Variants in MARCHF5 observed in about 807,000 individuals in gnomAD.
MARCHF5 encodes the protein E3 ubiquitin-protein ligase MARCHF5.
In MARCHF5, 5 loss-of-function variants were observed where a neutral mutation model predicts 36.5. That is an observed-to-expected ratio of 0.14 (90% CI 0.07 to 0.29). The LOEUF is 0.29. Among genes scored for constraint, MARCHF5 ranks in the 10% least tolerant of loss-of-function variants. MARCHF5 has a pLI of 1.00. For missense variants in MARCHF5, 179 were observed against 336.3 expected (o/e 0.53, Z 3.66); for synonymous variants, 103 against 109.9 (o/e 0.94, Z 0.39).
chr10:92,302,095 C>G (rs894228185), intron 1 of MARCHF5, among the ~76,000 whole-genome samples: 1 of 152,074 alleles, frequency 6.6e-6, no homozygotes, highest in Admixed American at 6.6e-5. Context: ...AAATGCTATG[C>G]AAATAGTTGT....
intron 3 of MARCHF5, among the ~76,000 whole-genome samples, chr10:92,344,021 T>C (rs544760235): frequency 1.2e-4 from 19 of 152,338 alleles, no homozygotes; most frequent in African/African-American, 4.6e-4. Context: ...TATATAGATA[T>C]ATATATTTTG....
rs1804788111 is a variant in MARCHF5 at position 92,351,557 on chromosome 10, T to C, written c.*350T>C. ...ATGCTGTTTTATTCAAATGCCTCTT[T>C]TGTACATGTTCATGTTTAGTGTTTT... On this transcript the variant is annotated 3_prime_UTR_variant, in exon 6 of 6. Coordinates refer to ENST00000358935, the MANE Select transcript of MARCHF5 (RefSeq NM_017824.5). The C allele has an allele frequency of 6.2e-6, 1 of 161,164 alleles. No homozygotes were observed. The highest frequency in any genetic ancestry group is 2.0e-4 in the South Asian group (1 of 5,078). 10.0% of individuals were successfully genotyped at this position (161,164 alleles called of 1,614,324 possible).
chr10:92,339,363 C>T (rs1193120532), intron 2 of MARCHF5, among the ~76,000 whole-genome samples: 1 of 151,244 alleles, frequency 6.6e-6, no homozygotes, highest in Non-Finnish European at 1.5e-5. Context: ...CAGTGAGACT[C>T]TGTCTCAAAA....
chr10:92,293,422 CA>C (rs1172952333), intron 1 of MARCHF5, among the ~76,000 whole-genome samples: 2 of 151,980 alleles, frequency 1.3e-5, no homozygotes, highest in Admixed American at 1.3e-4. Flanking sequence ...TTCTTATGTC[CA>C]AAAGCTGACC....
intron 1 of MARCHF5, among the ~76,000 whole-genome samples, chr10:92,303,015 A>G (rs1039906213): frequency 6.6e-6 from 1 of 152,216 alleles, no homozygotes; most frequent in African/African-American, 2.4e-5. Context: ...AGAATTTCCT[A>G]AGAATCCAAA....
chr10:92,328,821 A>ATATATATATAT (rs372130854), intron 2 of MARCHF5, among the ~76,000 whole-genome samples: 5 of 122,444 alleles, frequency 4.1e-5, no homozygotes, highest in African/African-American at 1.6e-4. Context: ...ATATATATAT[A>ATATATATATAT]TTTTTTTTTT....
chr10:92,292,267 C>T (rs1044855986), intron 1 of MARCHF5, among the ~76,000 whole-genome samples: 2 of 152,124 alleles, frequency 1.3e-5, no homozygotes, highest in African/African-American at 4.8e-5. Context: ...GCACCGCCCT[C>T]TGCTGTTGAA....
At chr10:92,337,473 G>A (rs1220341935) in intron 2 of MARCHF5, among the ~76,000 whole-genome samples, 1 of 151,970 alleles carries the variant, frequency 6.6e-6, no homozygotes, top group Non-Finnish European at 1.5e-5. Context: ...AGCCGAGATC[G>A]TGCCATTGCA....
At chr10:92,307,212 T>TGTGTGTGC (rs1024565926) in intron 1 of MARCHF5, among the ~76,000 whole-genome samples, 5 of 41,562 alleles carry the variant, frequency 1.2e-4, no homozygotes, top group African/African-American at 3.9e-4. Context: ...TGTGTGTGTG[T>TGTGTGTGC]GCGCGTGCAT....
At chr10:92,304,854 CTG>C (rs1219835593) in intron 1 of MARCHF5, among the ~76,000 whole-genome samples, 1 of 152,200 alleles carries the variant, frequency 6.6e-6, no homozygotes, top group Non-Finnish European at 1.5e-5. Context: ...TGCAACAACT[CTG>C]TGAAAGAGAT....
chr10:92,320,003 ACT>A (rs1180331045), intron 2 of MARCHF5, among the ~76,000 whole-genome samples: 6 of 144,008 alleles, frequency 4.2e-5, no homozygotes, highest in African/African-American at 1.6e-4. Flanking sequence ...ACAGAGTCTC[ACT>A]CTGTTGCCCA....
At chr10:92,301,318 T>C (rs1055658566) in intron 1 of MARCHF5, among the ~76,000 whole-genome samples, 1 of 152,236 alleles carries the variant, frequency 6.6e-6, no homozygotes, top group Admixed American at 6.5e-5. Context: ...CTTAGTAAAA[T>C]GAAACACGTA....
At chr10:92,305,449 G>C (rs1027893598) in intron 1 of MARCHF5, among the ~76,000 whole-genome samples, 4 of 152,028 alleles carry the variant, frequency 2.6e-5, no homozygotes, top group Non-Finnish European at 2.9e-5. Flanking sequence ...TCAGAAAAAA[G>C]GAAGGAAGAA....
chr10:92,317,594 A>C (rs2135192247), intron 2 of MARCHF5, among the ~76,000 whole-genome samples: 1 of 152,300 alleles, frequency 6.6e-6, no homozygotes, highest in Non-Finnish European at 1.5e-5. Context: ...CACAATCAGC[A>C]ACAATTGATT....
At chr10:92,315,541 T>G (rs1178123130) in intron 2 of MARCHF5, among the ~76,000 whole-genome samples, 1 of 152,224 alleles carries the variant, frequency 6.6e-6, no homozygotes, top group Non-Finnish European at 1.5e-5. Context: ...CAGTGGCTTC[T>G]TGTCCCTATT....
chr10:92,325,455 A>G (rs1348095737), intron 2 of MARCHF5, among the ~76,000 whole-genome samples: 1 of 152,234 alleles, frequency 6.6e-6, no homozygotes. Context: ...TGTTAAGTGC[A>G]CATATTTATA....
rs569331353 is a variant in MARCHF5 at position 92,353,818 on chromosome 10, A to T, written c.*2611A>T. The stretch of plus-strand genomic sequence containing the variant: ...TTTACCATTACATGATTATGAAATG[A>T]CTGTGAAGAATATAAAATTAAACTT... On this transcript the variant is annotated 3_prime_UTR_variant, in exon 6 of 6. Transcript: ENST00000358935. The T allele has an allele frequency of 2.0e-5, 3 of 152,780 alleles. No homozygotes were observed. The South Asian group carries it at 6.2e-4, about 32-fold the overall frequency. The allele number at this position is 152,780 out of a possible 1,614,324, so 9.5% of individuals were successfully genotyped here. A position where few individuals can be genotyped will look rare whatever the true frequency, so the allele number is the denominator to read the frequency against.
chr10:92,342,231 G>C (rs943190588), intron 3 of MARCHF5, among the ~76,000 whole-genome samples: 4 of 150,920 alleles, frequency 2.7e-5, no homozygotes, highest in Non-Finnish European at 5.9e-5. Flanking sequence ...GGTCACTGCA[G>C]CCTTACTCCT....
At chr10:92,338,824 A>C (rs1040927317) in intron 2 of MARCHF5, among the ~76,000 whole-genome samples, 3 of 152,222 alleles carry the variant, frequency 2.0e-5, no homozygotes, top group African/African-American at 7.2e-5. Flanking sequence ...TTTTGTGTAT[A>C]GCATCTGCCT....
Sources: gnomAD v4.1 joint callset for allele counts (sites outside exome capture counted in the v4.1 genomes callset) on GRCh38, gnomAD v4.1.1 for gene constraint, MANE v1.5 for transcripts, NCBI Gene and HGNC (gene_info 2026-07-23, HGNC 2026-07-21) for gene names.